Variants in KCNB2 observed in about 807,000 individuals in gnomAD.
The protein encoded by KCNB2 is potassium voltage-gated channel subfamily B member 2, also known as delayed rectifier potassium channel protein.
Under a neutral mutation model 61.5 loss-of-function variants are expected in KCNB2, and 15 were observed. The observed-to-expected ratio is 0.24, with a 90% CI of 0.16 to 0.38. KCNB2 has a LOEUF of 0.38. Ranked by LOEUF, KCNB2 falls within the 10% of genes least tolerant of loss-of-function variation. The probability of loss-of-function intolerance (pLI) is 1.00; values close to 1 mark genes in which losing one functional copy is unlikely to be tolerated. For missense variants in KCNB2, 828 were observed against 1,125.2 expected (o/e 0.74, Z 3.78); for synonymous variants, 457 against 446.0 (o/e 1.02, Z -0.31).
chr8:72,678,052 T>C (rs569858470), intron 2 of KCNB2, among the ~76,000 whole-genome samples: 1 of 152,316 alleles, frequency 6.6e-6, no homozygotes, highest in Non-Finnish European at 1.5e-5. Flanking sequence ...TTCCTCAGTT[T>C]AAACAATGAC....
intron 2 of KCNB2, among the ~76,000 whole-genome samples, chr8:72,903,456 C>G (rs150915306): frequency 9.1e-4 from 139 of 152,296 alleles, no homozygotes; most frequent in African/African-American, 3.1e-3. Context: ...TGGTGCATGC[C>G]TGTAGTTCTA....
Position 72,759,689 on chromosome 8 carries a change from GGAGATA to G in KCNB2, c.580-176223_580-176218del, listed in dbSNP as rs201850092. On this transcript the variant is annotated intron_variant, in intron 2 of 2. Transcript: ENST00000523207. ...TGGAAGCAGTGATAACTAGGGCCTT[GGAGATA>G]GAGATAGAGATAGAGATAGAGAAGG... 4.4e-3 allele frequency among the ~76,000 whole-genome samples: 670 copies of G among 152,256 alleles called. 3 individuals are homozygous for G. Among genetic ancestry groups the G allele is most frequent in the African/African-American group, 0.015 (604 of 41,550 alleles).
At chr8:72,738,937 G>A (rs979677905) in intron 2 of KCNB2, among the ~76,000 whole-genome samples, 3 of 152,238 alleles carry the variant, frequency 2.0e-5, no homozygotes, top group South Asian at 2.1e-4. Context: ...TTGACATCAA[G>A]TTTAATAGGT....
intron 2 of KCNB2, among the ~76,000 whole-genome samples, chr8:72,653,969 A>G (rs1259423082): frequency 6.6e-6 from 1 of 152,184 alleles, no homozygotes; most frequent in Non-Finnish European, 1.5e-5. Context: ...TGCTAATTTC[A>G]GTGGTTAAAA....
chr8:72,812,326 A>G (rs1809321231), intron 2 of KCNB2, among the ~76,000 whole-genome samples: 1 of 151,296 alleles, frequency 6.6e-6, no homozygotes, highest in Admixed American at 6.6e-5. Context: ...ATTCTTTCTT[A>G]TCTAAAAATA....
chr8:72,791,113 A>G (rs1808934817), intron 2 of KCNB2, among the ~76,000 whole-genome samples: 1 of 152,164 alleles, frequency 6.6e-6, no homozygotes, highest in Admixed American at 6.5e-5. Context: ...AAATGTTCAG[A>G]GTGATTAGTA....
intron 2 of KCNB2, among the ~76,000 whole-genome samples, chr8:72,575,385 C>G (rs1305804281): frequency 6.6e-6 from 1 of 152,020 alleles, no homozygotes; most frequent in Non-Finnish European, 1.5e-5. Context: ...GTTAGTTATA[C>G]TGGGACTAAA....
At chr8:72,668,950 T>A (rs1343892125) in intron 2 of KCNB2, among the ~76,000 whole-genome samples, 1 of 152,192 alleles carries the variant, frequency 6.6e-6, no homozygotes, top group Non-Finnish European at 1.5e-5. Context: ...TGTGTGTGTG[T>A]CTTTTCTCCT....
chr8:72,794,394 G>A (rs562828047), intron 2 of KCNB2, among the ~76,000 whole-genome samples: 4 of 151,850 alleles, frequency 2.6e-5, no homozygotes, highest in East Asian at 3.9e-4. Context: ...GTGAAACCCC[G>A]TCTCTACTAA....
chr8:72,819,296 C>A (rs1449929294), intron 2 of KCNB2, among the ~76,000 whole-genome samples: 1 of 152,050 alleles, frequency 6.6e-6, no homozygotes, highest in Non-Finnish European at 1.5e-5. Flanking sequence ...AGAGCTAATG[C>A]CCATTTCTGC....
intron 1 of KCNB2, among the ~76,000 whole-genome samples, chr8:72,538,165 T>C (rs1421075923): frequency 6.6e-6 from 1 of 152,122 alleles, no homozygotes; most frequent in African/African-American, 2.4e-5. Flanking sequence ...TCTTGTTGCC[T>C]TCCGTCCATT....
chr8:72,682,178 T>A (rs975317000), intron 2 of KCNB2, among the ~76,000 whole-genome samples: 1 of 152,162 alleles, frequency 6.6e-6, no homozygotes, highest in African/African-American at 2.4e-5. Context: ...AGCTTAGCTT[T>A]TGAAATACAT....
chr8:72,757,109 C>G (rs757600983), intron 2 of KCNB2, among the ~76,000 whole-genome samples: 1 of 151,934 alleles, frequency 6.6e-6, no homozygotes, highest in African/African-American at 2.4e-5. Flanking sequence ...CCTTGGGGAG[C>G]GCCAATGTGC....
intron 2 of KCNB2, among the ~76,000 whole-genome samples, chr8:72,717,345 G>T (rs1807462906): frequency 6.6e-6 from 1 of 152,120 alleles, no homozygotes; most frequent in Non-Finnish European, 1.5e-5. Context: ...AAAAGAGCTT[G>T]CATCGCCAAG....
At chr8:72,921,321 T>C (rs1184899766) in intron 2 of KCNB2, among the ~76,000 whole-genome samples, 1 of 152,168 alleles carries the variant, frequency 6.6e-6, no homozygotes, top group Non-Finnish European at 1.5e-5. Flanking sequence ...GACTATTAAA[T>C]TGATTTATAA....
At chr8:72,828,328 T>C (rs901578690) in intron 2 of KCNB2, among the ~76,000 whole-genome samples, 1 of 152,324 alleles carries the variant, frequency 6.6e-6, no homozygotes, top group Non-Finnish European at 1.5e-5. Context: ...GTTAAAGTAA[T>C]AAGCATCCCA....
chr8:72,641,463 C>T (rs1223003615), intron 2 of KCNB2, among the ~76,000 whole-genome samples: 1 of 152,090 alleles, frequency 6.6e-6, no homozygotes, highest in Non-Finnish European at 1.5e-5. Flanking sequence ...CCTTTACCTT[C>T]TTTCCTTGCT....
intron 2 of KCNB2, among the ~76,000 whole-genome samples, chr8:72,631,566 G>A (rs1407392831): frequency 6.6e-6 from 1 of 152,114 alleles, no homozygotes; most frequent in Non-Finnish European, 1.5e-5. Flanking sequence ...GATTACATTG[G>A]TAAAGACCAT....
intron 2 of KCNB2, among the ~76,000 whole-genome samples, chr8:72,775,362 G>A (rs1314489999): frequency 6.6e-6 from 1 of 152,130 alleles, no homozygotes; most frequent in Non-Finnish European, 1.5e-5. Flanking sequence ...AGCCATCTGC[G>A]GCCAGATTGT....
Sources: allele counts gnomAD v4.1 joint callset (sites outside exome capture counted in the v4.1 genomes callset), GRCh38; gene constraint gnomAD v4.1.1; transcripts MANE v1.5; gene names NCBI Gene and HGNC (gene_info 2026-07-23, HGNC 2026-07-21).